The following ZNF862 variants were observed in gnomAD, a reference collection of about 807,000 sequenced individuals.
ZNF862 encodes zinc finger protein 862.
A neutral mutation model predicts 91.1 loss-of-function variants in ZNF862; 64 were observed. The observed-to-expected ratio is 0.70, with a 90% CI of 0.57 to 0.87. The LOEUF is 0.87. Ranked by LOEUF, ZNF862 falls within the 40% of genes least tolerant of loss-of-function variation. The pLI is 0.00. For missense variants in ZNF862, 1,459 were observed against 1,528.0 expected (o/e 0.95, Z 0.75); for synonymous variants, 631 against 618.1 (o/e 1.02, Z -0.31).
chr7:149,844,216 C>T (rs1404014981), intron 1 of ZNF862, among the ~76,000 whole-genome samples: 2 of 152,144 alleles, frequency 1.3e-5, no homozygotes, highest in African/African-American at 4.8e-5. Context: ...AGACATAGTT[C>T]TAAATGACTT....
intron 1 of ZNF862, among the ~76,000 whole-genome samples, chr7:149,843,692 C>T (rs772540331): frequency 2.6e-5 from 4 of 152,112 alleles, no homozygotes; most frequent in Non-Finnish European, 5.9e-5. Flanking sequence ...TGTGCTTGTG[C>T]GAGGGAGGAC....
Position 149,838,580 on chromosome 7 carries a change from A to G in ZNF862, c.-32A>G. 8.3e-7 allele frequency: 1 copy of G among 1,207,184 alleles called. No homozygotes were observed. Among genetic ancestry groups the G allele is most frequent in the Non-Finnish European group, 1.0e-6 (1 of 965,366 alleles). The allele number at this position is 1,207,184 out of a possible 1,614,324, so 74.8% of individuals were successfully genotyped here. A position where few individuals can be genotyped will look rare whatever the true frequency, so the allele number is the denominator to read the frequency against. On this transcript the variant is annotated 5_prime_UTR_variant, in exon 1 of 8. Coordinates refer to ENST00000223210, the MANE Select transcript of ZNF862 (RefSeq NM_001099220.3). ...CATCCTCAGGCCAGGCCGCGGGGGGAGGGGGCGGCACGGGCCTCCGAAAGC... is the reference window on the plus strand; with the variant it reads ...CATCCTCAGGCCAGGCCGCGGGGGGGGGGGGCGGCACGGGCCTCCGAAAGC...
chr7:149,840,344 T>A (rs1801661782), intron 1 of ZNF862, among the ~76,000 whole-genome samples: 7 of 152,064 alleles, frequency 4.6e-5, no homozygotes, highest in Admixed American at 4.6e-4. Flanking sequence ...GTGTACAATG[T>A]GTGTTAAGCT....
In ZNF862 at chr7:149,860,540, C is replaced by T. The variant is rs1437948311; in HGVS notation, c.1380C>T (p.Tyr460=). 2 of 1,614,014 alleles carry T rather than the reference C, an allele frequency of 1.2e-6. No homozygotes were observed. The highest frequency in any genetic ancestry group is 1.7e-5 in the Admixed American group (1 of 60,028). The change falls in exon 7 of 8, where the codon TAC becomes TAT. Residue 460 remains tyrosine, a synonymous_variant. Coordinates refer to ENST00000223210, the MANE Select transcript of ZNF862 (RefSeq NM_001099220.3). ...GACCTAGGAGAATCAAGAGGACATACAGGCCCCGTTCCATTCAGAGGTCAT... is the reference window on the plus strand; with the variant it reads ...GACCTAGGAGAATCAAGAGGACATATAGGCCCCGTTCCATTCAGAGGTCAT... ...GDGPRRIKRT[Y]RPRSIQRSWF...
At position 149,867,087 on chromosome 7, in the gene ZNF862, C is replaced by G. The variant is rs535493623; in HGVS notation, c.*2803C>G. On this transcript the variant is annotated 3_prime_UTR_variant, in exon 8 of 8. Transcript: ENST00000223210. ...CGTATGTACGTGTCCTGGCATTTCC[C>G]CTCCCTCTCCCTGATGACTGATACC... The G allele has an allele frequency of 1.3e-5, 2 of 152,236 alleles. No homozygotes were observed. Among genetic ancestry groups the G allele is most frequent in the Admixed American group, 1.3e-4 (2 of 15,278 alleles). The allele number at this position is 152,236 out of a possible 1,614,324, so 9.4% of individuals were successfully genotyped here. A position where few individuals can be genotyped will look rare whatever the true frequency, so the allele number is the denominator to read the frequency against.
At position 149,838,541 on chromosome 7, in the gene ZNF862, G is replaced by A; in HGVS notation, c.-71G>A. 3 of 1,078,232 alleles carry A rather than the reference G, an allele frequency of 2.8e-6. No individual in the cohort carries two copies. The highest frequency in any genetic ancestry group is 4.7e-5 in the South Asian group (1 of 21,138). 66.8% of individuals were successfully genotyped at this position (1,078,232 alleles called of 1,614,324 possible). On this transcript the variant is annotated 5_prime_UTR_variant, in exon 1 of 8. Transcript: ENST00000223210. ...CTCCGGGAGCCTGGGTCCCCGGGGC[G>A]GTCGCGGCGGCTGCATCCTCAGGCC...
Position 149,850,312 on chromosome 7 carries a change from T to A in ZNF862, c.1091T>A (p.Met364Lys). The part of the protein sequence containing the change: ...QKELYRDVMR[M>K]NYELLASLGP... Reference sequence around the variant, plus strand: ...GAGCTGTACAGAGACGTGATGCGGATGAACTACGAGCTGTTGGCATCCTTG... The same window carrying A: ...GAGCTGTACAGAGACGTGATGCGGAAGAACTACGAGCTGTTGGCATCCTTG... Residue 364 changes from methionine to lysine, a missense_variant, in exon 5 of 8, where the codon ATG becomes AAG. Physicochemically the swap from Met to Lys is moderately conservative, Grantham distance 95. Coordinates refer to ENST00000223210, the MANE Select transcript of ZNF862 (RefSeq NM_001099220.3). The surrounding 1 kb of genome is among the most constrained non-coding windows in gnomAD (Gnocchi z 4.2). The A allele has an allele frequency of 6.2e-7, 1 of 1,613,186 alleles. No individual in the cohort carries two copies.
In ZNF862 at chr7:149,859,504, G is replaced by C; in HGVS notation, c.1200G>C (p.Lys400Asn). The C allele has an allele frequency of 6.3e-7, 1 of 1,581,380 alleles. No homozygotes were observed. Among genetic ancestry groups the C allele is most frequent in the Non-Finnish European group, 8.6e-7 (1 of 1,163,092 alleles). ...GGATCAAGGACCCAAATGGGCCAAA[G>C]TGGGGGAAAGGTCGTCCTCCAGGTG... Reference protein sequence around the residue: ...APWIKDPNGPKWGKGRPPGNK... With the variant: ...APWIKDPNGPNWGKGRPPGNK... Residue 400 changes from lysine to asparagine, a missense_variant, in exon 6 of 8, where the codon AAG becomes AAC. Coordinates refer to ENST00000223210, the MANE Select transcript of ZNF862 (RefSeq NM_001099220.3).
At chr7:149,852,376 A>T (rs368770616) in intron 5 of ZNF862, among the ~76,000 whole-genome samples, 31,493 of 102,810 alleles carry the variant, frequency 0.31, 3,195 homozygotes, top group Middle Eastern at 0.37. Flanking sequence ...TGTGTGTGAG[A>T]GAGAGAGAGA....
chr7:149,850,112 G>T lies in ZNF862; in HGVS notation c.940-49G>T. On this transcript the variant is annotated intron_variant, in intron 4 of 7. Transcript: ENST00000223210. This position sits in a 1 kb window ranked among gnomAD's most constrained non-coding sequence, Gnocchi z 4.2. The stretch of plus-strand genomic sequence containing the variant: ...CAAAGGCCCCAGAAGTGTCACGTGG[G>T]AGTCTGGCTCGGCAGGCGGTGCTGA... The T allele has an allele frequency of 1.3e-6, 2 of 1,547,810 alleles. No homozygotes were observed. Among genetic ancestry groups the T allele is most frequent in the South Asian group, 2.4e-5 (2 of 83,916 alleles).
At chr7:149,859,607 C>A in intron 6 of ZNF862, 81 bp downstream of exon 6, 1 of 1,170,714 alleles carries the variant, frequency 8.5e-7, no homozygotes, top group Non-Finnish European at 1.2e-6. Context: ...ATGAGCTCAG[C>A]TGTGCTCATC....
intron 5 of ZNF862, chr7:149,858,485 A>C (rs990092132): frequency 1.3e-5 from 2 of 152,214 alleles, no homozygotes; most frequent in African/African-American, 4.8e-5. Context: ...AGTATATTCA[A>C]GCGATCCAAA....
chr7:149,864,872 T>G lies in ZNF862; in HGVS notation c.*588T>G, dbSNP rs1802659117. The G allele has an allele frequency of 6.6e-6, 1 of 152,516 alleles. No individual in the cohort carries two copies. The allele number at this position is 152,516 out of a possible 1,614,324, so 9.4% of individuals were successfully genotyped here. A position where few individuals can be genotyped will look rare whatever the true frequency, so the allele number is the denominator to read the frequency against. On this transcript the variant is annotated 3_prime_UTR_variant, in exon 8 of 8. Coordinates refer to ENST00000223210, the MANE Select transcript of ZNF862 (RefSeq NM_001099220.3). ...TAGGGCGAAACAATCACAAGCCCTT[T>G]GCACAGAGCACCCAAGAAAGTTCTC...
At chr7:149,858,265 C>G (rs1468454954) in intron 5 of ZNF862, 3 of 152,140 alleles carry the variant, frequency 2.0e-5, no homozygotes, top group African/African-American at 7.2e-5. Context: ...TGTCTCCTTC[C>G]CTTCCAAAAA....
Position 149,848,407 on chromosome 7 carries a change from A to G in ZNF862, c.914A>G (p.Asn305Ser). 5.1e-6 allele frequency: 8 copies of G among 1,566,212 alleles called. No homozygotes were observed. The highest frequency in any genetic ancestry group is 3.6e-5 in the South Asian group (3 of 83,580). ...HSSSDINILY[N>S]DAVESCIQDP... ...TCCTCAGACATTAATATTTTATATA[A>G]TGATGCAGTAGAATCCTGCATTCAG... The change falls in exon 4 of 8, where the codon AAT becomes AGT. Residue 305 changes from asparagine to serine, a missense_variant. By Grantham distance (46) the Asn-to-Ser change is conservative. Coordinates refer to ENST00000223210, the MANE Select transcript of ZNF862 (RefSeq NM_001099220.3).
chr7:149,863,916 C>T (rs1802613327), intron 7 of ZNF862, among the ~76,000 whole-genome samples, 193 bp from the exon 8 acceptor site: 1 of 152,242 alleles, frequency 6.6e-6, no homozygotes, highest in Admixed American at 6.5e-5. Flanking sequence ...AAATCGCCCC[C>T]AGTTGAGATC....
chr7:149,838,874 G>C (rs1302635836), intron 1 of ZNF862, among the ~76,000 whole-genome samples: 2 of 152,232 alleles, frequency 1.3e-5, no homozygotes, highest in African/African-American at 4.8e-5. Context: ...GCGTCCGCTG[G>C]GTCGATGCTG....
At chr7:149,845,558 C>T (rs1801841306) in intron 2 of ZNF862, among the ~76,000 whole-genome samples, 1 of 152,208 alleles carries the variant, frequency 6.6e-6, no homozygotes, top group Admixed American at 6.5e-5. Flanking sequence ...AAAATAGCAG[C>T]TCATGGGCCA....
Position 149,844,707 on chromosome 7 carries a change from G to T in ZNF862, c.107G>T (p.Cys36Phe), listed in dbSNP as rs1397563300. 2.5e-6 allele frequency: 4 copies of T among 1,596,942 alleles called. No individual in the cohort carries two copies. Among genetic ancestry groups the T allele is most frequent in the South Asian group, 1.1e-5 (1 of 87,834 alleles). ...VLLSQQQKEL[C>F]GSNKLVAPLG... ...CTGAGCCAGCAACAGAAGGAGCTCTGTGGTTCCAACAAGCTGGTGGCACCA... is the reference window on the plus strand; with the variant it reads ...CTGAGCCAGCAACAGAAGGAGCTCTTTGGTTCCAACAAGCTGGTGGCACCA... The change falls in exon 2 of 8, where the codon TGT becomes TTT. Residue 36 changes from cysteine to phenylalanine, a missense_variant. By Grantham distance (205) the Cys-to-Phe change is radical. Transcript: ENST00000223210.
Sources: allele counts gnomAD v4.1 joint callset (sites outside exome capture counted in the v4.1 genomes callset), GRCh38; gene constraint gnomAD v4.1.1; non-coding constraint Gnocchi (gnomAD v3.1); transcripts MANE v1.5; gene names NCBI Gene and HGNC (gene_info 2026-07-23, HGNC 2026-07-21).